The following ABCC6 variants were observed in gnomAD, a reference collection of about 807,000 sequenced individuals.
ABCC6 encodes the protein ATP binding cassette subfamily C member 6.
A neutral mutation model predicts 169.5 loss-of-function variants in ABCC6; 126 were observed. The observed-to-expected ratio is 0.74, with a 90% CI of 0.64 to 0.86. The LOEUF (loss-of-function observed/expected upper bound fraction) is 0.86, where lower values mean the gene tolerates loss of function less well. ABCC6 is among the 40% of genes least tolerant of loss of function. The pLI, the probability that ABCC6 is intolerant of heterozygous loss-of-function variation, is 0.00. For synonymous variants in ABCC6, 752 were observed against 814.7 expected (o/e 0.92, Z 1.31); for missense variants, 1,733 against 1,927.2 (o/e 0.90, Z 1.89).
intron 24 of ABCC6, among the ~76,000 whole-genome samples, chr16:16,162,572 T>C (rs544571627): frequency 7.2e-5 from 11 of 152,322 alleles, no homozygotes; most frequent in Non-Finnish European, 1.6e-4. Flanking sequence ...CGATCCCAGT[T>C]TGACAAATGA....
In ABCC6 at chr16:16,152,192, CAAA is replaced by C. The variant is rs61339757; in HGVS notation, c.4209-1423_4209-1421del. Among the ~76,000 whole-genome samples, 4 of 40,318 alleles carry C rather than the reference CAAA, an allele frequency of 9.9e-5. No homozygotes were observed. In the Admixed American group the frequency reaches 1.2e-3, roughly 12 times the overall value. The allele number at this position is 40,318 out of a possible 152,430, so 26.5% of individuals were successfully genotyped here. ...TGGGCGACAGAGCAAGACTCTGTCTCAAAAAAAAAAAAAAAAAAAAAAAGTGTG... is the reference window on the plus strand; with the variant it reads ...TGGGCGACAGAGCAAGACTCTGTCTCAAAAAAAAAAAAAAAAAAAAGTGTG... On this transcript the variant is annotated intron_variant, in intron 29 of 30. Transcript: ENST00000205557.
intron 10 of ABCC6, among the ~76,000 whole-genome samples, chr16:16,195,839 T>C (rs9925057): frequency 0.54 from 81,639 of 152,068 alleles, 23,557 homozygotes; most frequent in Non-Finnish European, 0.66. Context: ...GCCCCTAGCC[T>C]TAGCAAAAAC....
At chr16:16,161,608 G>A in intron 24 of ABCC6, 44 bp from the exon 25 acceptor site, 1 of 1,612,900 alleles carries the variant, frequency 6.2e-7, no homozygotes, top group South Asian at 1.1e-5. Context: ...ACTCTCATCT[G>A]CAGGGAGATG....
At position 16,202,032 on chromosome 16, in the gene ABCC6, C is replaced by G; in HGVS notation, c.1145G>C (p.Arg382Pro). The G allele has an allele frequency of 6.2e-7, 1 of 1,613,988 alleles. No individual in the cohort carries two copies. Among genetic ancestry groups the G allele is most frequent in the South Asian group, 1.1e-5 (1 of 91,072 alleles). Residue 382 changes from arginine to proline, a missense_variant, in exon 9 of 31, where the codon CGG becomes CCG. Around this residue, in one of 5 missense-constraint regions of ABCC6, gnomAD observed 1,601 missense variants for 1,635.5 expected, o/e 0.98. Transcript: ENST00000205557. ...YRLKVLQMRLRSAITGLVYRK... is the reference protein window; with the variant it reads ...YRLKVLQMRLPSAITGLVYRK... ...GTACACCAGGCCAGTGATGGCCGACCGCAACCTCATCTGCAGCACCTTGAG... is the reference window on the plus strand; with the variant it reads ...GTACACCAGGCCAGTGATGGCCGACGGCAACCTCATCTGCAGCACCTTGAG...
At chr16:16,150,917 T>G (rs2046369439) in intron 29 of ABCC6, 145 bp from the exon 30 acceptor site, 1 of 1,490,256 alleles carries the variant, frequency 6.7e-7, no homozygotes. Context: ...CTGGGGTCTG[T>G]GGTCTGCAGA....
Position 16,189,185 on chromosome 16 carries a change from T to C in ABCC6, c.1636-211A>G, listed in dbSNP as rs568047229. ...AGGCTCTCTCTAAAGACACAGCGCA[T>C]TGCTAATGGTGATGAGTGCGCAGCC... is the stretch of plus-strand genomic sequence containing the variant. On this transcript the variant is annotated intron_variant, in intron 12 of 30. Transcript: ENST00000205557. 3.9e-5 allele frequency among the ~76,000 whole-genome samples: 6 copies of C among 152,328 alleles called. No individual in the cohort carries two copies. In the South Asian group the frequency reaches 1.0e-3, roughly 26 times the overall value.
At chr16:16,192,006 G>T (rs2047877396) in intron 11 of ABCC6, among the ~76,000 whole-genome samples, 1 of 152,186 alleles carries the variant, frequency 6.6e-6, no homozygotes, top group Admixed American at 6.5e-5. Flanking sequence ...GGGAAGTGCT[G>T]TGGGGGGAAA....
intron 2 of ABCC6, 172 bp downstream of exon 2, chr16:16,221,476 CG>C (rs1888535263): frequency 6.9e-7 from 1 of 1,455,418 alleles, no homozygotes; most frequent in Non-Finnish European, 9.1e-7. Context: ...TTGGGAGAAC[CG>C]TGTTCCACTG....
intron 21 of ABCC6, among the ~76,000 whole-genome samples, chr16:16,170,919 C>CAAAAA (rs1220574453): frequency 4.5e-5 from 1 of 22,316 alleles, no homozygotes; most frequent in African/African-American, 1.6e-4. Flanking sequence ...AACTCTGTCT[C>CAAAAA]AAAAAAAAAA....
In ABCC6 at chr16:16,177,610, G is replaced by A. The variant is rs72653796; in HGVS notation, c.2432C>T (p.Thr811Met). ...CTGGGGCAGGATGTGGAGTGCGTGC[G>A]TCACGAGAATCCGTGTCTGGGCAGG... Reference protein sequence around the residue: ...LLQGTTRILVTHALHILPQAD... With the variant: ...LLQGTTRILVMHALHILPQAD... Residue 811 changes from threonine (T) to methionine (M), a missense_variant, in exon 19 of 31, where the codon ACG becomes ATG. Around this residue, in one of 5 missense-constraint regions of ABCC6, gnomAD observed 1,601 missense variants for 1,635.5 expected, o/e 0.98. Transcript: ENST00000205557. 31 of 1,614,058 alleles carry A rather than the reference G, an allele frequency of 1.9e-5. No homozygotes were observed. Among genetic ancestry groups the A allele is most frequent in the South Asian group, 4.4e-5 (4 of 91,088 alleles).
At chr16:16,202,447 G>C (rs1259340104) in intron 8 of ABCC6, among the ~76,000 whole-genome samples, 63 of 152,234 alleles carry the variant, frequency 4.1e-4, no homozygotes, top group East Asian at 2.9e-3. Context: ...TCCTCACAAA[G>C]TTTATATGTT....
chr16:16,171,061 G>A (rs912810217), intron 21 of ABCC6, among the ~76,000 whole-genome samples: 2 of 151,806 alleles, frequency 1.3e-5, no homozygotes, highest in African/African-American at 4.8e-5. Context: ...TCCCACCTCG[G>A]AGCCATTGCA....
chr16:16,183,208 T>C (rs1421494734), intron 15 of ABCC6, among the ~76,000 whole-genome samples: 2 of 152,098 alleles, frequency 1.3e-5, no homozygotes, highest in Admixed American at 1.3e-4. Context: ...TGGGCACGCA[T>C]CCACACACAC....
intron 10 of ABCC6, among the ~76,000 whole-genome samples, chr16:16,197,470 G>A (rs1461612342): frequency 6.6e-6 from 1 of 151,170 alleles, no homozygotes; most frequent in East Asian, 1.9e-4. Flanking sequence ...GAAGAAGAAA[G>A]GGAAGAGAAG....
At chr16:16,190,071 G>T in intron 12 of ABCC6, 93 bp downstream of exon 12, 4 of 1,369,030 alleles carry the variant, frequency 2.9e-6, no homozygotes, top group Admixed American at 1.7e-5. Context: ...GGACGGGGTG[G>T]TAGGATCTGG....
intron 23 of ABCC6, among the ~76,000 whole-genome samples, chr16:16,165,129 G>A (rs769573022): frequency 3.9e-5 from 6 of 152,234 alleles, no homozygotes; most frequent in East Asian, 1.9e-4. Flanking sequence ...TAACTGTGCC[G>A]TGGGGCACAG....
chr16:16,185,171 G>A (rs1222033918), intron 14 of ABCC6, 137 bp from the exon 15 acceptor site: 3 of 809,066 alleles, frequency 3.7e-6, no homozygotes, highest in African/African-American at 3.4e-5. Flanking sequence ...TGAACAAATT[G>A]CCCTGCTACT....
At chr16:16,150,990 C>T (rs1199105632) in intron 29 of ABCC6, among the ~76,000 whole-genome samples, 1 of 152,190 alleles carries the variant, frequency 6.6e-6, no homozygotes, top group African/African-American at 2.4e-5. Context: ...TCATTCAAAC[C>T]CTTTGTGCCT....
chr16:16,170,460 C>G (rs2152236956), intron 21 of ABCC6, among the ~76,000 whole-genome samples: 1 of 152,254 alleles, frequency 6.6e-6, no homozygotes, highest in African/African-American at 2.4e-5. Context: ...ATAACAACCT[C>G]CATTTCACAG....
Sources: allele counts gnomAD v4.1 joint callset (sites outside exome capture counted in the v4.1 genomes callset), GRCh38; gene constraint gnomAD v4.1.1; regional missense constraint gnomAD v4.1.1; transcripts MANE v1.5; gene names NCBI Gene and HGNC (gene_info 2026-07-23, HGNC 2026-07-21).